MYO1E: variants seen among roughly 807,000 people sequenced by gnomAD.
MYO1E encodes the protein myosin IE.
Under a neutral mutation model 151.1 loss-of-function variants are expected in MYO1E, and 68 were observed. The observed-to-expected ratio is 0.45, with a 90% CI of 0.37 to 0.55. MYO1E has a LOEUF of 0.55. Ranked by LOEUF, MYO1E falls within the 20% of genes least tolerant of loss-of-function variation. MYO1E has a pLI of 0.00. For synonymous variants in MYO1E, 601 were observed against 501.7 expected (o/e 1.20, Z -2.64); for missense variants, 1,363 against 1,389.3 (o/e 0.98, Z 0.30).
chr15:59,299,645 T>A lies in MYO1E; in HGVS notation c.4-27196A>T, dbSNP rs1210943707. Among the ~76,000 whole-genome samples, 8 of 152,320 alleles carry A rather than the reference T, an allele frequency of 5.3e-5. No individual in the cohort carries two copies. In the South Asian group the frequency reaches 1.7e-3, roughly 32 times the overall value. On this transcript the variant is annotated intron_variant, in intron 1 of 27. Transcript: ENST00000288235. ...GAGTGAGCTATGAAGAAAAAGAATA[T>A]AAATGCAATTCACTCCGAAGTGTGA...
intron 6 of MYO1E, among the ~76,000 whole-genome samples, chr15:59,230,441 T>C (rs1333193814): frequency 3.9e-5 from 6 of 152,284 alleles, no homozygotes; most frequent in Non-Finnish European, 5.9e-5. Flanking sequence ...GTTTTTTTTT[T>C]CTGGTCTCCA....
At chr15:59,297,468 G>T (rs1394830158) in intron 1 of MYO1E, among the ~76,000 whole-genome samples, 1 of 62,460 alleles carries the variant, frequency 1.6e-5, no homozygotes, top group Admixed American at 2.4e-4. Flanking sequence ...TTTTAGTAGG[G>T]ATGGGGTTTT....
rs1201505192 is a variant in MYO1E at position 59,181,305 on chromosome 15, T to C, written c.1905-2768A>G. Reference sequence around the variant, plus strand: ...CAAGATAGACTTTGCAAATCTGTTATGTTTCTACCACATTCTTCCTCCTAA... The same window carrying C: ...CAAGATAGACTTTGCAAATCTGTTACGTTTCTACCACATTCTTCCTCCTAA... On this transcript the variant is annotated intron_variant, in intron 18 of 27. Transcript: ENST00000288235. Among the ~76,000 whole-genome samples, 4 of 152,374 alleles carry C rather than the reference T, an allele frequency of 2.6e-5. No homozygotes were observed. The East Asian group carries it at 5.8e-4, about 22-fold the overall frequency.
At chr15:59,153,864 T>C (rs547953515) in intron 25 of MYO1E, 73 bp from the exon 26 acceptor site, 2 of 1,391,944 alleles carry the variant, frequency 1.4e-6, no homozygotes, top group Admixed American at 3.4e-5. Flanking sequence ...TCCACATTTC[T>C]TCCATGTACT....
chr15:59,212,312 C>A (rs777867758), intron 12 of MYO1E, among the ~76,000 whole-genome samples: 7 of 151,830 alleles, frequency 4.6e-5, no homozygotes, highest in Non-Finnish European at 1.0e-4. Context: ...TCTAGCCTAC[C>A]CCACCCCTTA....
In MYO1E at chr15:59,161,358, G is replaced by C. The variant is rs1394459874; in HGVS notation, c.2628-128C>G. ...AGGCGAGAACGGACAATCTACACCA[G>C]GAGCAGGGCCCTGAGGATGCGCACC... is the stretch of plus-strand genomic sequence containing the variant. On this transcript the variant is annotated intron_variant, in intron 23 of 27. Transcript: ENST00000288235. 22 of 1,070,734 alleles carry C rather than the reference G, an allele frequency of 2.1e-5. 1 individual carries two copies. The highest frequency in any genetic ancestry group is 2.8e-5 in the Non-Finnish European group (21 of 754,694). The allele number at this position is 1,070,734 out of a possible 1,614,324, so 66.3% of individuals were successfully genotyped here. A position where few individuals can be genotyped will look rare whatever the true frequency, so the allele number is the denominator to read the frequency against.
At chr15:59,353,434 A>G (rs1382463730) in intron 1 of MYO1E, among the ~76,000 whole-genome samples, 1 of 151,630 alleles carries the variant, frequency 6.6e-6, no homozygotes, top group Non-Finnish European at 1.5e-5. Flanking sequence ...CACGAACCAG[A>G]ATAGTCTTAT....
chr15:59,317,486 A>G lies in MYO1E; in HGVS notation c.4-45037T>C, dbSNP rs369106963. 3.3e-5 allele frequency among the ~76,000 whole-genome samples: 5 copies of G among 151,934 alleles called. No individual in the cohort carries two copies. The East Asian group carries it at 7.7e-4, about 23-fold the overall frequency. Reference sequence around the variant, plus strand: ...AAAGTGATTTGGGAAGACAGCAGCAACAAGAGACCTCCATAAAGAAGGCTC... The same window carrying G: ...AAAGTGATTTGGGAAGACAGCAGCAGCAAGAGACCTCCATAAAGAAGGCTC... On this transcript the variant is annotated intron_variant, in intron 1 of 27. Coordinates refer to ENST00000288235, the MANE Select transcript of MYO1E (RefSeq NM_004998.4).
At chr15:59,195,974 T>C (rs2079764113) in intron 16 of MYO1E, among the ~76,000 whole-genome samples, 1 of 152,202 alleles carries the variant, frequency 6.6e-6, no homozygotes, top group African/African-American at 2.4e-5. Flanking sequence ...TTAACTTTTT[T>C]TCCCCCAAAA....
Position 59,261,411 on chromosome 15 carries a change from G to A in MYO1E, c.237+9C>T, listed in dbSNP as rs201078482. ...AATAAGGCAGTAATTTATGTGACACGTAACTTACCGCTCCTTGGTACATTT... is the reference window on the plus strand; with the variant it reads ...AATAAGGCAGTAATTTATGTGACACATAACTTACCGCTCCTTGGTACATTT... On this transcript the variant is annotated intron_variant, in intron 3 of 27. Transcript: ENST00000288235. 147 of 1,588,394 alleles carry A rather than the reference G, an allele frequency of 9.3e-5. 1 individual carries two copies. In the South Asian group the frequency reaches 1.0e-3, roughly 11 times the overall value.
chr15:59,317,209 C>A (rs970492144), intron 1 of MYO1E, among the ~76,000 whole-genome samples: 14 of 152,198 alleles, frequency 9.2e-5, no homozygotes, highest in Non-Finnish European at 1.8e-4. Context: ...GAACAAGGCA[C>A]ACACATTACC....
intron 7 of MYO1E, among the ~76,000 whole-genome samples, chr15:59,227,141 C>T (rs1057059975): frequency 3.3e-5 from 5 of 152,210 alleles, no homozygotes; most frequent in Non-Finnish European, 5.9e-5. Context: ...ACCTCCTTCA[C>T]ACCTCTCCTA....
chr15:59,153,805 C>A lies in MYO1E; in HGVS notation c.2879-14G>T, dbSNP rs780943562. 6.2e-7 allele frequency: 1 copy of A among 1,608,196 alleles called. No individual in the cohort carries two copies. The highest frequency in any genetic ancestry group is 1.1e-5 in the South Asian group (1 of 90,968). On this transcript the variant is annotated splice_polypyrimidine_tract_variant and intron_variant, in intron 25 of 27. Coordinates refer to ENST00000288235, the MANE Select transcript of MYO1E (RefSeq NM_004998.4). ...TCTGATGGTATCCTAGAGAGAGGAA[C>A]AGAGAAGGAAATAAGGCTCAGATTT...
At chr15:59,246,204 GC>G (rs1310834667) in intron 4 of MYO1E, among the ~76,000 whole-genome samples, 9 of 152,138 alleles carry the variant, frequency 5.9e-5, no homozygotes, top group African/African-American at 2.2e-4. Context: ...TGCAACCTCT[GC>G]CTCCTGGGTT....
intron 1 of MYO1E, among the ~76,000 whole-genome samples, chr15:59,277,061 C>A (rs1159245469): frequency 6.6e-6 from 1 of 152,140 alleles, no homozygotes; most frequent in Non-Finnish European, 1.5e-5. Flanking sequence ...AAAAGGGAGA[C>A]AATTAAGTGT....
At chr15:59,265,548 G>A (rs960387645) in intron 2 of MYO1E, among the ~76,000 whole-genome samples, 9 of 152,058 alleles carry the variant, frequency 5.9e-5, no homozygotes, top group Admixed American at 4.6e-4. Context: ...TAGGCCAATC[G>A]TGAATCAATG....
chr15:59,311,470 C>T (rs1396109558), intron 1 of MYO1E, among the ~76,000 whole-genome samples: 5 of 152,100 alleles, frequency 3.3e-5, no homozygotes, highest in Non-Finnish European at 5.9e-5. Context: ...TAACAGGCCA[C>T]GGACCGTATT....
chr15:59,321,904 G>A (rs535939536), intron 1 of MYO1E, among the ~76,000 whole-genome samples: 36 of 152,060 alleles, frequency 2.4e-4, no homozygotes, highest in African/African-American at 7.7e-4. Context: ...AGGGTGCAGT[G>A]GCAGGTGCCT....
chr15:59,254,900 A>T (rs1295369955), intron 4 of MYO1E, among the ~76,000 whole-genome samples: 2 of 151,836 alleles, frequency 1.3e-5, no homozygotes, highest in Non-Finnish European at 2.9e-5. Context: ...ATCTTGGCTC[A>T]CTGCAGCTTC....
Sources: allele counts gnomAD v4.1 joint callset (sites outside exome capture counted in the v4.1 genomes callset), GRCh38; gene constraint gnomAD v4.1.1; transcripts MANE v1.5; gene names NCBI Gene and HGNC (gene_info 2026-07-23, HGNC 2026-07-21).